The following TSPAN15 variants were observed in gnomAD, a reference collection of about 807,000 sequenced individuals.
The protein encoded by TSPAN15 is tetraspanin-15.
TSPAN15 carries 20 observed loss-of-function variants against 34.5 expected under a neutral mutation model. That is an observed-to-expected ratio of 0.58 (90% CI 0.41 to 0.84). The LOEUF (loss-of-function observed/expected upper bound fraction) is 0.84, where lower values mean the gene tolerates loss of function less well. Among genes scored for constraint, TSPAN15 ranks in the 40% least tolerant of loss-of-function variants. The pLI, the probability that TSPAN15 is intolerant of heterozygous loss-of-function variation, is 0.00. For synonymous variants in TSPAN15, 155 were observed against 153.9 expected, an observed-to-expected ratio of 1.01 and a Z score of -0.05; for missense variants, 313 against 386.1, an observed-to-expected ratio of 0.81 and a Z score of 1.59.
At chr10:69,526,955 A>G in the TSPAN15 span, among the ~76,000 whole-genome samples, 1 of 148,028 alleles carries the variant, frequency 6.8e-6, no homozygotes, top group Non-Finnish European at 1.5e-5. Flanking sequence ...CATATGACAC[A>G]GCAATTTTAT....
At chr10:69,542,280 C>T in the TSPAN15 span, among the ~76,000 whole-genome samples, 258 of 152,316 alleles carry the variant, frequency 1.7e-3, no homozygotes, top group African/African-American at 5.7e-3. Context: ...TCATTGTCCA[C>T]ATCACTATCA....
Position 69,506,770 on chromosome 10 carries a change from G to T in TSPAN15, c.736-59G>T, listed in dbSNP as rs539925743. 2.2e-4 allele frequency: 337 copies of T among 1,524,284 alleles called. 5 individuals are homozygous for T. The South Asian group carries it at 4.0e-3, about 18-fold the overall frequency. The allele number at this position is 1,524,284 out of a possible 1,614,324, so 94.4% of individuals were successfully genotyped here. A position where few individuals can be genotyped will look rare whatever the true frequency, so the allele number is the denominator to read the frequency against. ...CTTGGGTTTCTGGGAGCCGGGAGCT[G>T]CAGGGAGGGCTGCCCTGATTCCCAG... On this transcript the variant is annotated intron_variant, in intron 7 of 7. Coordinates refer to ENST00000373290, the MANE Select transcript of TSPAN15 (RefSeq NM_012339.5). This position sits in a 1 kb window ranked among gnomAD's most constrained non-coding sequence, Gnocchi z 4.7.
chr10:69,494,178 T>C (rs902566921), intron 3 of TSPAN15, among the ~76,000 whole-genome samples: 1 of 152,112 alleles, frequency 6.6e-6, no homozygotes, highest in East Asian at 1.9e-4. Flanking sequence ...GAGAGTGGGG[T>C]TGGCCAGGAC....
the TSPAN15 span, among the ~76,000 whole-genome samples, chr10:69,543,174 T>A: frequency 6.6e-6 from 1 of 152,128 alleles, no homozygotes. Context: ...AAGAATGCAT[T>A]CGTCTGTGGT....
At chr10:69,501,898 G>A (rs1356405750) in intron 5 of TSPAN15, among the ~76,000 whole-genome samples, 1 of 152,134 alleles carries the variant, frequency 6.6e-6, no homozygotes, top group Non-Finnish European at 1.5e-5. Context: ...GGGACCTAGG[G>A]TGCATGCTCC....
At chr10:69,455,222 T>A (rs1332959573) in intron 1 of TSPAN15, among the ~76,000 whole-genome samples, 1 of 151,764 alleles carries the variant, frequency 6.6e-6, no homozygotes, top group Non-Finnish European at 1.5e-5. Context: ...TCTCCTGGCC[T>A]GCCCAGTCCA....
downstream of TSPAN15, among the ~76,000 whole-genome samples, chr10:69,509,126 C>G (rs955246768): frequency 6.6e-6 from 1 of 152,156 alleles, no homozygotes; most frequent in Non-Finnish European, 1.5e-5. Flanking sequence ...GCAGAGGCCC[C>G]GTAGGAGACA....
chr10:69,456,660 C>T (rs530966340), intron 1 of TSPAN15, among the ~76,000 whole-genome samples: 3 of 152,038 alleles, frequency 2.0e-5, no homozygotes, highest in Non-Finnish European at 4.4e-5. Flanking sequence ...AGGCTGTGAC[C>T]CTGACGCCTA....
At chr10:69,467,605 C>A (rs545489510) in intron 1 of TSPAN15, among the ~76,000 whole-genome samples, 29 of 150,994 alleles carry the variant, frequency 1.9e-4, no homozygotes, top group African/African-American at 6.8e-4. Context: ...TAGGGTGAGA[C>A]CTTGTCTCCT....
At chr10:69,485,115 G>C in intron 2 of TSPAN15, 26 bp from the exon 3 acceptor site, 1 of 1,611,104 alleles carries the variant, frequency 6.2e-7, no homozygotes, top group Non-Finnish European at 8.5e-7. Flanking sequence ...TCCTCTCCAG[G>C]TGAGTCTCTG....
At position 69,490,670 on chromosome 10, in the gene TSPAN15, A is replaced by G. The variant is rs527798496; in HGVS notation, c.358-4924A>G. Among the ~76,000 whole-genome samples the G allele has an allele frequency of 1.1e-4, 16 of 152,372 alleles. No individual in the cohort carries two copies. In the East Asian group the frequency reaches 2.9e-3, roughly 28 times the overall value. ...CAGGAGGCAGAGGCTGCAGTGAGCCATGATCGTGCTACTGCACTCCATCCA... is the reference window on the plus strand; with the variant it reads ...CAGGAGGCAGAGGCTGCAGTGAGCCGTGATCGTGCTACTGCACTCCATCCA... On this transcript the variant is annotated intron_variant, in intron 3 of 7. Transcript: ENST00000373290.
intron 1 of TSPAN15, among the ~76,000 whole-genome samples, chr10:69,466,906 G>A (rs1343301987): frequency 6.6e-6 from 1 of 152,196 alleles, no homozygotes; most frequent in East Asian, 1.9e-4. Flanking sequence ...GGCGCTCTGA[G>A]GGAGATGGTC....
intron 1 of TSPAN15, among the ~76,000 whole-genome samples, chr10:69,479,858 T>C (rs1238954111): frequency 6.6e-6 from 1 of 152,172 alleles, no homozygotes; most frequent in Non-Finnish European, 1.5e-5. Flanking sequence ...CCTGCCAGGC[T>C]GCTGGGAGGG....
chr10:69,528,781 C>A, the TSPAN15 span, among the ~76,000 whole-genome samples: 1 of 148,266 alleles, frequency 6.7e-6, no homozygotes, highest in African/African-American at 2.4e-5. Context: ...AGAGGAGACC[C>A]TGGAGTAGAT....
chr10:69,489,862 G>T (rs945997406), intron 3 of TSPAN15, among the ~76,000 whole-genome samples: 1 of 152,248 alleles, frequency 6.6e-6, no homozygotes, highest in African/African-American at 2.4e-5. Flanking sequence ...GGGGCTGGAG[G>T]AGGACCTGAG....
the TSPAN15 span, among the ~76,000 whole-genome samples, chr10:69,513,418 C>T: frequency 3.3e-5 from 5 of 152,212 alleles, no homozygotes; most frequent in Non-Finnish European, 5.9e-5. Flanking sequence ...ACCATTGCCC[C>T]GGCTGCCCTT....
chr10:69,472,946 G>A (rs1427334334), intron 1 of TSPAN15, among the ~76,000 whole-genome samples: 10 of 152,160 alleles, frequency 6.6e-5, no homozygotes, highest in Admixed American at 5.9e-4. Flanking sequence ...AGTTGTTGAG[G>A]GCAAAGTTGT....
chr10:69,514,913 C>G, the TSPAN15 span, among the ~76,000 whole-genome samples: 2 of 152,234 alleles, frequency 1.3e-5, no homozygotes, highest in African/African-American at 4.8e-5. Flanking sequence ...ATAGCAACTG[C>G]TTTGAAAGTG....
At chr10:69,502,782 C>T (rs1164309744) in intron 5 of TSPAN15, among the ~76,000 whole-genome samples, 1 of 152,168 alleles carries the variant, frequency 6.6e-6, no homozygotes, top group Non-Finnish European at 1.5e-5. Context: ...AGGCCTCTGC[C>T]AGTTGCCTGT....
Sources: gnomAD v4.1 joint callset for allele counts (sites outside exome capture counted in the v4.1 genomes callset) on GRCh38, gnomAD v4.1.1 for gene constraint, Gnocchi (gnomAD v3.1) non-coding constraint, MANE v1.5 for transcripts, NCBI Gene and HGNC (gene_info 2026-07-23, HGNC 2026-07-21) for gene names.